The following CORO2B variants were observed in gnomAD, a reference collection of about 807,000 sequenced individuals.
CORO2B encodes coronin 2B, also known as coronin-2B.
In CORO2B, 26 loss-of-function variants were observed where a neutral mutation model predicts 58.8. That is an observed-to-expected ratio of 0.44 (90% CI 0.32 to 0.61). The LOEUF is 0.61. CORO2B is among the 20% of genes least tolerant of loss of function. The probability of loss-of-function intolerance (pLI) is 0.04; values close to 1 mark genes in which losing one functional copy is unlikely to be tolerated. For synonymous variants in CORO2B, 242 were observed against 253.8 expected (o/e 0.95, Z 0.44); for missense variants, 460 against 645.1 (o/e 0.71, Z 3.11).
chr15:68,691,797 C>T (rs968206998), intron 2 of CORO2B, among the ~76,000 whole-genome samples: 1 of 152,068 alleles, frequency 6.6e-6, no homozygotes, highest in Non-Finnish European at 1.5e-5. Flanking sequence ...GTGATGTTGC[C>T]TAACCTGCCC....
intron 1 of CORO2B, among the ~76,000 whole-genome samples, chr15:68,608,490 A>T (rs1205882039): frequency 2.0e-5 from 3 of 152,124 alleles, no homozygotes; most frequent in South Asian, 4.1e-4. Flanking sequence ...GGGAGCCCCC[A>T]TCCACTTCCT....
intron 2 of CORO2B, among the ~76,000 whole-genome samples, chr15:68,667,294 GA>G (rs1261749422): frequency 6.6e-6 from 1 of 152,118 alleles, no homozygotes; most frequent in East Asian, 1.9e-4. Flanking sequence ...CCGCCTCCAG[GA>G]AGCCACCTGG....
At chr15:68,606,344 A>C (rs1392650642) in intron 1 of CORO2B, among the ~76,000 whole-genome samples, 3 of 152,150 alleles carry the variant, frequency 2.0e-5, no homozygotes, top group African/African-American at 7.2e-5. Flanking sequence ...CCTCCAGGCC[A>C]GTGAATCATG....
chr15:68,592,433 G>A (rs1010479708), intron 1 of CORO2B, among the ~76,000 whole-genome samples: 2 of 152,134 alleles, frequency 1.3e-5, no homozygotes, highest in Admixed American at 6.5e-5. Context: ...GTGGGGATAG[G>A]GGTAGAGTAT....
At chr15:68,670,620 C>T (rs1473039102) in intron 2 of CORO2B, among the ~76,000 whole-genome samples, 1 of 152,138 alleles carries the variant, frequency 6.6e-6, no homozygotes, top group Non-Finnish European at 1.5e-5. Flanking sequence ...AAAAGATAAA[C>T]ACCAATACAC....
intron 3 of CORO2B, among the ~76,000 whole-genome samples, chr15:68,698,254 C>T (rs1392900374): frequency 6.6e-6 from 1 of 152,178 alleles, no homozygotes; most frequent in East Asian, 1.9e-4. Context: ...CCCAGTGGCT[C>T]ATGTCTTACC....
intron 1 of CORO2B, among the ~76,000 whole-genome samples, chr15:68,585,637 C>T (rs1219096247): frequency 6.6e-6 from 1 of 152,150 alleles, no homozygotes; most frequent in African/African-American, 2.4e-5. Flanking sequence ...TGCTTCCACT[C>T]CCCACCAACC....
At position 68,695,131 on chromosome 15, in the gene CORO2B, C is replaced by A. The variant is rs754496220; in HGVS notation, c.217-9C>A. 2 of 1,607,650 alleles carry A rather than the reference C, an allele frequency of 1.2e-6. No individual in the cohort carries two copies. The highest frequency in any genetic ancestry group is 8.5e-7 in the Non-Finnish European group (1 of 1,174,416). On this transcript the variant is annotated splice_polypyrimidine_tract_variant and intron_variant, in intron 2 of 11. Coordinates refer to ENST00000261861, the MANE Select transcript of CORO2B (RefSeq NM_006091.5). ...TCTCCTTCTCTCTCTCTCTCTTTCT[C>A]CTCTGCAGACAGGCAGGATTGAACC...
chr15:68,710,184 G>A lies in CORO2B; in HGVS notation c.334-548G>A, dbSNP rs975822876. Among the ~76,000 whole-genome samples, 12 of 152,154 alleles carry A rather than the reference G, an allele frequency of 7.9e-5. No homozygotes were observed. Among genetic ancestry groups the A allele is most frequent in the African/African-American group, 2.7e-4 (11 of 41,428 alleles). On this transcript the variant is annotated intron_variant, in intron 3 of 11. Coordinates refer to ENST00000261861, the MANE Select transcript of CORO2B (RefSeq NM_006091.5). This position sits in a 1 kb window ranked among gnomAD's most constrained non-coding sequence, Gnocchi z 4.1. ...CCTTTCAGCTCAGGCCCCAACATCT[G>A]ATCAGTCTCTGCCTTCAAGTCCACC...
chr15:68,714,721 C>T, intron 7 of CORO2B, 58 bp downstream of exon 7: 1 of 1,264,110 alleles, frequency 7.9e-7, no homozygotes, highest in East Asian at 2.3e-5. Context: ...ACCCTCAATG[C>T]ACCCCTGCAC....
At chr15:68,681,407 T>A (rs548274348) in intron 2 of CORO2B, among the ~76,000 whole-genome samples, 5 of 151,408 alleles carry the variant, frequency 3.3e-5, no homozygotes, top group African/African-American at 1.2e-4. Context: ...AGGAGCCCCC[T>A]GATTTGGGGG....
At chr15:68,535,605 G>C in the CORO2B span, among the ~76,000 whole-genome samples, 1 of 152,128 alleles carries the variant, frequency 6.6e-6, no homozygotes, top group African/African-American at 2.4e-5. Context: ...GACATTTCTA[G>C]AATCTGTTGG....
chr15:68,577,941 A>C (rs1484869932), upstream of CORO2B, among the ~76,000 whole-genome samples: 1 of 152,130 alleles, frequency 6.6e-6, no homozygotes, highest in East Asian at 1.9e-4. Flanking sequence ...ACCGTGGAGC[A>C]GGAAGCCAGC....
At chr15:68,654,809 T>C (rs1901753043) in intron 2 of CORO2B, among the ~76,000 whole-genome samples, 1 of 152,232 alleles carries the variant, frequency 6.6e-6, no homozygotes, top group Admixed American at 6.5e-5. Flanking sequence ...AGCAATAGCC[T>C]GTTAGCTTTG....
chr15:68,522,524 A>G, the CORO2B span, among the ~76,000 whole-genome samples: 1 of 152,102 alleles, frequency 6.6e-6, no homozygotes, highest in Non-Finnish European at 1.5e-5. Flanking sequence ...GTCTCAGCTC[A>G]CTGCAACCTC....
intron 3 of CORO2B, among the ~76,000 whole-genome samples, chr15:68,704,044 ACACACACACACACACACACACAC>A (rs1892725128): frequency 1.9e-5 from 1 of 54,032 alleles, no homozygotes; most frequent in East Asian, 1.1e-3. Context: ...ACACATACAC[ACACACACACACACACACACACAC>A]ACACACACAC....
chr15:68,608,729 T>C (rs1161374689), intron 1 of CORO2B, among the ~76,000 whole-genome samples: 1 of 152,166 alleles, frequency 6.6e-6, no homozygotes, highest in African/African-American at 2.4e-5. Context: ...CATGGCTTTG[T>C]TCTCCACCCC....
chr15:68,524,231 AAAG>A, the CORO2B span, among the ~76,000 whole-genome samples: 1 of 152,194 alleles, frequency 6.6e-6, no homozygotes, highest in East Asian at 1.9e-4. Flanking sequence ...AAAAAAAAGA[AAAG>A]AAAAAATTCC....
the CORO2B span, among the ~76,000 whole-genome samples, chr15:68,538,847 G>T: frequency 6.6e-6 from 1 of 152,132 alleles, no homozygotes; most frequent in African/African-American, 2.4e-5. Flanking sequence ...AGGTTCTCAT[G>T]GATCTGGGTC....
Sources: allele counts gnomAD v4.1 joint callset (sites outside exome capture counted in the v4.1 genomes callset), GRCh38; gene constraint gnomAD v4.1.1; non-coding constraint Gnocchi (gnomAD v3.1); transcripts MANE v1.5; gene names NCBI Gene and HGNC (gene_info 2026-07-23, HGNC 2026-07-21).